Variants in WWTR1 observed in about 807,000 individuals in gnomAD.
The protein encoded by WWTR1 is WW domain containing transcription regulator 1, also known as WW domain-containing transcription regulator protein 1.
WWTR1 carries 13 observed loss-of-function variants against 40.1 expected under a neutral mutation model. The ratio of observed to expected loss-of-function variants is 0.32; its 90% CI spans 0.21 to 0.52. WWTR1 has a LOEUF of 0.52. WWTR1 is among the 20% of genes least tolerant of loss of function. The pLI is 0.97. For missense variants in WWTR1, 436 were observed against 523.1 expected, an observed-to-expected ratio of 0.83 and a Z score of 1.63; for synonymous variants, 230 against 210.1, an observed-to-expected ratio of 1.09 and a Z score of -0.82.
chr3:149,598,707 TCAA>T (rs1576588199), intron 2 of WWTR1, among the ~76,000 whole-genome samples: 1 of 152,188 alleles, frequency 6.6e-6, no homozygotes, highest in Admixed American at 6.5e-5. Context: ...AAAACTTTCA[TCAA>T]CATCATAATT....
chr3:149,526,640 A>G lies in WWTR1; in HGVS notation c.906-515T>C, dbSNP rs117408536. On this transcript the variant is annotated intron_variant, in intron 5 of 6. Coordinates refer to ENST00000360632, the MANE Select transcript of WWTR1 (RefSeq NM_015472.6). ...GTAAGATTAAATAAAACTATGGCAA[A>G]TCTGGGTAGTGGGTACATGGGTAAT... is the stretch of plus-strand genomic sequence containing the variant. Among the ~76,000 whole-genome samples, 89 of 152,362 alleles carry G rather than the reference A, an allele frequency of 5.8e-4. 2 individuals are homozygous for G. In the East Asian group the frequency reaches 0.016, roughly 28 times the overall value.
chr3:149,563,459 T>A (rs1737176047), intron 3 of WWTR1, among the ~76,000 whole-genome samples: 1 of 152,184 alleles, frequency 6.6e-6, no homozygotes, highest in Non-Finnish European at 1.5e-5. Context: ...ATTTTCCTCC[T>A]CATTTTTGAA....
intron 2 of WWTR1, among the ~76,000 whole-genome samples, chr3:149,667,470 C>T (rs36157259): frequency 0.2 from 29,926 of 151,376 alleles, 3,201 homozygotes; most frequent in Admixed American, 0.3. Flanking sequence ...ATGGCGTGAA[C>T]CCAGGAGGTG....
chr3:149,572,756 A>T, intron 3 of WWTR1, 108 bp downstream of exon 3: 1 of 1,326,278 alleles, frequency 7.5e-7, no homozygotes, highest in Non-Finnish European at 1.0e-6. Context: ...CTGAGGTGTT[A>T]GGATTGTTTG....
intron 3 of WWTR1, among the ~76,000 whole-genome samples, chr3:149,549,062 T>C (rs542101823): frequency 6.0e-4 from 91 of 152,180 alleles, no homozygotes; most frequent in African/African-American, 2.1e-3. Context: ...ATTAAACAAA[T>C]AAATGGATGA....
intron 2 of WWTR1, among the ~76,000 whole-genome samples, chr3:149,614,744 A>G (rs1196041153): frequency 3.3e-5 from 5 of 152,194 alleles, no homozygotes; most frequent in Admixed American, 3.3e-4. Flanking sequence ...GTACTTTGGG[A>G]AGCCGAGGTG....
chr3:149,571,534 G>T lies in WWTR1; in HGVS notation c.568+1330C>A, dbSNP rs114353917. On this transcript the variant is annotated intron_variant, in intron 3 of 6. Transcript: ENST00000360632. The stretch of plus-strand genomic sequence containing the variant: ...CCCTTTAGATAAGGAACTCCACAGA[G>T]GTTGTTCCATGTCATTTGCTTTTTG... Among the ~76,000 whole-genome samples the T allele has an allele frequency of 2.2e-3, 339 of 152,252 alleles. 1 individual carries two copies. The highest frequency in any genetic ancestry group is 4.4e-3 in the Non-Finnish European group (296 of 68,022).
intron 2 of WWTR1, among the ~76,000 whole-genome samples, chr3:149,596,235 A>C (rs1357699676): frequency 6.6e-6 from 1 of 152,228 alleles, no homozygotes; most frequent in Non-Finnish European, 1.5e-5. Context: ...GTCTGTTCTG[A>C]AACTGAAAGT....
chr3:149,606,237 TG>T (rs1279675214), intron 2 of WWTR1, among the ~76,000 whole-genome samples: 12 of 152,214 alleles, frequency 7.9e-5, no homozygotes, highest in Non-Finnish European at 1.6e-4. Context: ...TATAGTAGCC[TG>T]GACAGACTGA....
chr3:149,557,309 T>C (rs1328691420), intron 3 of WWTR1, among the ~76,000 whole-genome samples: 1 of 152,098 alleles, frequency 6.6e-6, no homozygotes, highest in Non-Finnish European at 1.5e-5. Flanking sequence ...TGACCTCAGC[T>C]GATCCGCCCG....
At chr3:149,544,174 T>C (rs2107941473) in intron 3 of WWTR1, among the ~76,000 whole-genome samples, 1 of 152,190 alleles carries the variant, frequency 6.6e-6, no homozygotes, top group South Asian at 2.1e-4. Flanking sequence ...AATCTCCATA[T>C]ATTAAATATA....
At chr3:149,631,506 A>G (rs1711547987) in intron 2 of WWTR1, among the ~76,000 whole-genome samples, 1 of 152,162 alleles carries the variant, frequency 6.6e-6, no homozygotes, top group African/African-American at 2.4e-5. Context: ...ACAAACCCCA[A>G]ATATAAGTGC....
chr3:149,668,934 C>T (rs1713951889), intron 2 of WWTR1, among the ~76,000 whole-genome samples: 2 of 152,142 alleles, frequency 1.3e-5, no homozygotes, highest in Admixed American at 1.3e-4. Flanking sequence ...TAAATTTCAA[C>T]CTTGCTAATG....
At chr3:149,674,324 C>T (rs757724128) in intron 1 of WWTR1, among the ~76,000 whole-genome samples, 2 of 152,140 alleles carry the variant, frequency 1.3e-5, no homozygotes, top group Non-Finnish European at 2.9e-5. Context: ...CATGGTGGCT[C>T]ATGCCTGTAA....
In WWTR1 at chr3:149,566,393, T is replaced by C. The variant is rs1737331024; in HGVS notation, c.568+6471A>G. ...CACCATCTCCCAAAAAGTGTATGGG[T>C]ATTTTTTTGTTTGTTTGTCTCTGGG... On this transcript the variant is annotated intron_variant, in intron 3 of 6. Transcript: ENST00000360632. Among the ~76,000 whole-genome samples, 3 of 152,096 alleles carry C rather than the reference T, an allele frequency of 2.0e-5. No individual in the cohort carries two copies. In the South Asian group the frequency reaches 6.2e-4, roughly 32 times the overall value.
rs1024913512 is a variant in WWTR1, at chr3:149,709,407, G to T, written n.585-6079C>A. ...TTTTTATATACTTTGTTGGCTATTT[G>T]TATGTCTTCTTTAGAGAAATGTATG... On this transcript the variant is annotated intron_variant and non_coding_transcript_variant, in intron 5 of 6. Coordinates refer to the WWTR1 transcript ENST00000474080. 4.0e-5 allele frequency among the ~76,000 whole-genome samples: 6 copies of T among 151,890 alleles called. No homozygotes were observed. In the South Asian group the frequency reaches 6.3e-4, roughly 16 times the overall value.
intron 1 of WWTR1, among the ~76,000 whole-genome samples, chr3:149,673,217 TA>T (rs1205949739): frequency 1.3e-5 from 2 of 151,832 alleles, no homozygotes; most frequent in African/African-American, 4.8e-5. Flanking sequence ...CTCTGTTTTT[TA>T]AAAAAAATAA....
chr3:149,700,667 G>C (rs1715140812), intron 1 of WWTR1, among the ~76,000 whole-genome samples: 1 of 152,120 alleles, frequency 6.6e-6, no homozygotes, highest in Admixed American at 6.6e-5. Flanking sequence ...TATATTTAAA[G>C]TTCCTGGTAC....
At chr3:149,701,031 G>A (rs12492310) in intron 1 of WWTR1, among the ~76,000 whole-genome samples, 2,004 of 152,268 alleles carry the variant, frequency 0.013, 47 homozygotes, top group Admixed American at 0.068. Flanking sequence ...CAATCGGTGC[G>A]GTAGGCCCAG....
Sources: allele counts gnomAD v4.1 joint callset (sites outside exome capture counted in the v4.1 genomes callset), GRCh38; gene constraint gnomAD v4.1.1; transcripts MANE v1.5; gene names NCBI Gene and HGNC (gene_info 2026-07-23, HGNC 2026-07-21).